EP300: variants seen among roughly 807,000 people sequenced by gnomAD.
The protein encoded by EP300 is EP300 lysine acetyltransferase, also known as histone acetyltransferase p300.
In EP300, 31 loss-of-function variants were observed where a neutral mutation model predicts 264.0. That is an observed-to-expected ratio of 0.12 (90% confidence interval 0.09 to 0.16). EP300 has a LOEUF of 0.16. Among genes scored for constraint, EP300 ranks in the 10% least tolerant of loss-of-function variants. The pLI, the probability that EP300 is intolerant of heterozygous loss-of-function variation, is 1.00. For synonymous variants in EP300, 1,340 were observed against 1,045.4 expected, an observed-to-expected ratio of 1.28 and a Z score of -5.44; for missense variants, 2,766 against 3,052.9, an observed-to-expected ratio of 0.91 and a Z score of 2.21.
intron 27 of EP300, among the ~76,000 whole-genome samples, chr22:41,170,962 CTTTTTTTTTTTTTTTTAAACAAAAGTCT>C (rs1569117751): frequency 7.3e-6 from 1 of 136,630 alleles, no homozygotes; most frequent in African/African-American, 2.7e-5. Flanking sequence ...CGTGCCCAGC[CTTTTTTTTTTTTTTTTAAACAAAAGTCT>C]TGCTTGTTCT....
At chr22:41,102,015 C>CT (rs773184228) in intron 1 of EP300, among the ~76,000 whole-genome samples, 4 of 142,390 alleles carry the variant, frequency 2.8e-5, no homozygotes, top group Non-Finnish European at 4.6e-5. Flanking sequence ...TTTTCTGTTG[C>CT]TTTTTTTTCT....
intron 10 of EP300, among the ~76,000 whole-genome samples, chr22:41,142,729 C>T (rs1398129767): frequency 3.3e-5 from 5 of 152,062 alleles, no homozygotes; most frequent in African/African-American, 9.7e-5. Flanking sequence ...ACTAAAAATA[C>T]AAAACAATTA....
chr22:41,149,883 T>C lies in EP300; in HGVS notation c.2502T>C (p.Pro834=). 1.9e-6 allele frequency: 3 copies of C among 1,614,052 alleles called. No homozygotes were observed. The highest frequency in any genetic ancestry group is 2.5e-6 in the Non-Finnish European group (3 of 1,180,006). ...CTCTTCATCAGAATTCACCCTCGCC[T>C]GTACCTAGTCGTACCCCCACCCCTC... ...QPALHQNSPS[P]VPSRTPTPHH... Residue 834 remains proline, a synonymous_variant, in exon 14 of 31, where the codon CCT becomes CCC. Transcript: ENST00000263253.
At chr22:41,098,618 A>G (rs906030370) in intron 1 of EP300, among the ~76,000 whole-genome samples, 4 of 152,056 alleles carry the variant, frequency 2.6e-5, no homozygotes, top group African/African-American at 9.7e-5. Flanking sequence ...TGATCCGCCC[A>G]CCTCAGCCTC....
At chr22:41,137,580 G>A in intron 7 of EP300, 73 bp from the exon 8 acceptor site, 6 of 1,577,628 alleles carry the variant, frequency 3.8e-6, no homozygotes, top group Non-Finnish European at 4.4e-6. Flanking sequence ...ACAATAATCA[G>A]TGTCAGCTTG....
At chr22:41,124,726 T>G (rs541341400) in intron 2 of EP300, among the ~76,000 whole-genome samples, 7 of 152,190 alleles carry the variant, frequency 4.6e-5, no homozygotes, top group Non-Finnish European at 1.0e-4. Context: ...GAATTCGCCA[T>G]GTAGCATCAT....
At chr22:41,113,205 T>G (rs1185035914) in intron 1 of EP300, among the ~76,000 whole-genome samples, 1 of 136,136 alleles carries the variant, frequency 7.3e-6, no homozygotes, top group African/African-American at 2.7e-5. Flanking sequence ...ACTGGGACAT[T>G]CCATATCCTA....
intron 22 of EP300, among the ~76,000 whole-genome samples, chr22:41,164,977 T>C (rs2059126600): frequency 6.6e-6 from 1 of 152,324 alleles, no homozygotes; most frequent in African/African-American, 2.4e-5. Flanking sequence ...CCATCTCTTC[T>C]GCTCTGTTCT....
chr22:41,172,737 C>A (rs1336443509), intron 28 of EP300, 74 bp downstream of exon 28: 1 of 1,499,322 alleles, frequency 6.7e-7, no homozygotes, highest in Non-Finnish European at 9.1e-7. Flanking sequence ...CTTAAACTTT[C>A]AATTGGGTTT....
intron 3 of EP300, among the ~76,000 whole-genome samples, chr22:41,127,193 C>T (rs2058887672): frequency 6.6e-6 from 1 of 152,168 alleles, no homozygotes; most frequent in Non-Finnish European, 1.5e-5. Flanking sequence ...CTTTTAACTA[C>T]AGACACCCTC....
At chr22:41,093,680 C>T (rs546964445) in intron 1 of EP300, among the ~76,000 whole-genome samples, 8 of 151,910 alleles carry the variant, frequency 5.3e-5, no homozygotes, top group Non-Finnish European at 7.4e-5. Context: ...CCTTTTTCTT[C>T]TTATTTGCTT....
chr22:41,120,438 C>T (rs2058845789), intron 2 of EP300, among the ~76,000 whole-genome samples: 1 of 152,130 alleles, frequency 6.6e-6, no homozygotes, highest in African/African-American at 2.4e-5. Context: ...TCTTAAACTC[C>T]TAAGACTTGT....
chr22:41,160,773 A>C (rs2059103878), intron 20 of EP300, 51 bp downstream of exon 20: 2 of 1,500,298 alleles, frequency 1.3e-6, no homozygotes, highest in East Asian at 4.5e-5. Flanking sequence ...TTGTCCAGTG[A>C]TTATGCACAG....
chr22:41,129,698 A>T (rs1423529054), intron 4 of EP300, among the ~76,000 whole-genome samples, 192 bp from the exon 5 acceptor site: 1 of 152,134 alleles, frequency 6.6e-6, no homozygotes, highest in Admixed American at 6.5e-5. Context: ...ACTTTGTGCA[A>T]ATTGCTTACC....
Position 41,178,525 on chromosome 22 carries a change from C to G in EP300, c.6814C>G (p.Pro2272Ala). 2 of 1,614,090 alleles carry G rather than the reference C, an allele frequency of 1.2e-6. No homozygotes were observed. Among genetic ancestry groups the G allele is most frequent in the Non-Finnish European group, 1.7e-6 (2 of 1,180,006 alleles). Residue 2272 changes from proline (P) to alanine (A), a missense_variant, in exon 31 of 31, where the codon CCT becomes GCT. Physicochemically the swap from Pro to Ala is conservative, Grantham distance 27. Coordinates refer to ENST00000263253, the MANE Select transcript of EP300 (RefSeq NM_001429.4). ...QRLLQQQMGS[P>A]VQPNPMSPQQ... ...ACTCCTTCAGCAACAGATGGGGTCC[C>G]CTGTTCAGCCCAACCCCATGAGCCC... is the stretch of plus-strand genomic sequence containing the variant.
chr22:41,130,057 G>C, intron 5 of EP300, 54 bp downstream of exon 5: 1 of 1,339,208 alleles, frequency 7.5e-7, no homozygotes. Context: ...AGTCTCACCA[G>C]TGCCATTTAT....
chr22:41,169,073 T>C (rs965079049), intron 25 of EP300: 6 of 693,230 alleles, frequency 8.7e-6, no homozygotes, highest in African/African-American at 7.1e-5. Context: ...TCTGTGGTCA[T>C]AGTAATAAAG....
chr22:41,093,159 T>G, intron 1 of EP300, 61 bp downstream of exon 1: 2 of 1,531,332 alleles, frequency 1.3e-6, no homozygotes, highest in Admixed American at 1.7e-5. Flanking sequence ...CGGTGCGCCT[T>G]TATTCTTCCA....
At position 41,154,979 on chromosome 22, in the gene EP300, A is replaced by C. The variant is rs532080393; in HGVS notation, c.3143-16A>C. ...TTAATTGGTAACTAATTTCAAATGC[A>C]CTTTTTTTTTTTAAGTTTTCAAACC... On this transcript the variant is annotated splice_polypyrimidine_tract_variant and intron_variant, in intron 16 of 30. Transcript: ENST00000263253. The C allele has an allele frequency of 3.3e-6, 5 of 1,520,178 alleles. No individual in the cohort carries two copies. Among genetic ancestry groups the C allele is most frequent in the Non-Finnish European group, 4.6e-6 (5 of 1,097,830 alleles). 94.2% of individuals were successfully genotyped at this position (1,520,178 alleles called of 1,614,324 possible).
Sources: gnomAD v4.1 joint callset for allele counts (sites outside exome capture counted in the v4.1 genomes callset) on GRCh38, gnomAD v4.1.1 for gene constraint, MANE v1.5 for transcripts, NCBI Gene and HGNC (gene_info 2026-07-23, HGNC 2026-07-21) for gene names.